Variants in NR1D2 observed in about 807,000 individuals in gnomAD.
NR1D2 encodes the protein nuclear receptor subfamily 1 group D member 2.
Under a neutral mutation model 52.2 loss-of-function variants are expected in NR1D2, and 25 were observed. That is an observed-to-expected ratio of 0.48 (90% confidence interval 0.35 to 0.67). The LOEUF (loss-of-function observed/expected upper bound fraction) is 0.67, where lower values mean the gene tolerates loss of function less well. Among genes scored for constraint, NR1D2 ranks in the 30% least tolerant of loss-of-function variants. The probability of loss-of-function intolerance (pLI) is 0.01; values close to 1 mark genes in which losing one functional copy is unlikely to be tolerated. For missense variants in NR1D2, 681 were observed against 707.2 expected (o/e 0.96, Z 0.42); for synonymous variants, 259 against 230.1 (o/e 1.13, Z -1.14).
chr3:23,977,449 G>T lies in NR1D2; in HGVS notation c.*30G>T. The T allele has an allele frequency of 7.0e-7, 1 of 1,437,056 alleles. No individual in the cohort carries two copies. Among genetic ancestry groups the T allele is most frequent in the South Asian group, 1.4e-5 (1 of 72,650 alleles). 89.0% of individuals were successfully genotyped at this position (1,437,056 alleles called of 1,614,324 possible). A position where few individuals can be genotyped will look rare whatever the true frequency, so the allele number is the denominator to read the frequency against. ...TTTGTTTATTTAAACATGAACTGATGGTAACTGTACATTTTGTGCTAAAAT... is the reference window on the plus strand; with the variant it reads ...TTTGTTTATTTAAACATGAACTGATTGTAACTGTACATTTTGTGCTAAAAT... On this transcript the variant is annotated 3_prime_UTR_variant, in exon 8 of 8. Transcript: ENST00000312521.
At chr3:23,946,037 G>C (rs1441614987) in intron 1 of NR1D2, 1 of 919,442 alleles carries the variant, frequency 1.1e-6, no homozygotes, top group East Asian at 1.2e-4. Context: ...GGGGGCGCGC[G>C]CGCGCGCGCT....
At position 23,962,181 on chromosome 3, in the gene NR1D2, C is replaced by G. The variant is rs770012545; in HGVS notation, c.722C>G (p.Ser241Cys). Residue 241 changes from serine (S) to cysteine (C), a missense_variant, in exon 5 of 8, where the codon TCT becomes TGT. Transcript: ENST00000312521. ...PQLEQENIKS[S>C]SPPSSDFAKE... ...CTGGAGCAAGAAAACATCAAAAGCT[C>G]TTCTCCTCCATCTTCTGATTTTGCA... 11 of 1,614,156 alleles carry G rather than the reference C, an allele frequency of 6.8e-6. No homozygotes were observed. The highest frequency in any genetic ancestry group is 1.6e-4 in the Middle Eastern group (1 of 6,062).
At chr3:23,973,781 G>A (rs1415148853) in intron 7 of NR1D2, among the ~76,000 whole-genome samples, 3 of 151,890 alleles carry the variant, frequency 2.0e-5, no homozygotes, top group Non-Finnish European at 4.4e-5. Context: ...ACATTGTACA[G>A]CTATACAAAA....
At position 23,964,987 on chromosome 3, in the gene NR1D2, T is replaced by G. The variant is rs780611019; in HGVS notation, c.1157T>G (p.Met386Arg). Residue 386 changes from methionine (M) to arginine (R), a missense_variant, in exon 6 of 8, where the codon ATG (methionine) becomes AGG (arginine). Met to Arg is a moderately conservative substitution (Grantham distance 91, BLOSUM62 -1). Around this residue, in one of 3 missense-constraint regions of NR1D2, gnomAD observed 475 missense variants for 454.5 expected, o/e 1.05. Transcript: ENST00000312521. ...TGGRMHLVCP[M>R]SKSPYVDPHK... ...TTTTATGTATACTAGGTTTGTCCAATGAGTAAGTCTCCATATGTGGATCCT... is the reference window on the plus strand; with the variant it reads ...TTTTATGTATACTAGGTTTGTCCAAGGAGTAAGTCTCCATATGTGGATCCT... 4 of 1,610,256 alleles carry G rather than the reference T, an allele frequency of 2.5e-6. No individual in the cohort carries two copies. The South Asian group carries it at 3.3e-5, about 13-fold the overall frequency.
intron 1 of NR1D2, among the ~76,000 whole-genome samples, chr3:23,950,700 TG>T (rs1705901871): frequency 6.6e-6 from 1 of 152,168 alleles, no homozygotes; most frequent in Non-Finnish European, 1.5e-5. Context: ...CACAGATGCT[TG>T]TTTTCTTAAG....
intron 3 of NR1D2, among the ~76,000 whole-genome samples, 171 bp downstream of exon 3, chr3:23,956,296 T>C (rs1706078588): frequency 6.6e-6 from 1 of 152,272 alleles, no homozygotes; most frequent in South Asian, 2.1e-4. Flanking sequence ...TTGAATAATA[T>C]TCTTAATTCA....
chr3:23,972,671 G>T (rs1706621092), intron 7 of NR1D2, among the ~76,000 whole-genome samples: 1 of 152,180 alleles, frequency 6.6e-6, no homozygotes, highest in Admixed American at 6.5e-5. Context: ...GGAGTGCAAT[G>T]AAGAACCAGC....
intron 1 of NR1D2, chr3:23,946,014 G>T (rs1705680897): frequency 1.3e-6 from 1 of 746,018 alleles, no homozygotes; most frequent in Non-Finnish European, 1.6e-6. Context: ...GGGCCGCAGG[G>T]ACACGTGGGG....
In NR1D2 at chr3:23,971,712, C is replaced by A. The variant is rs1284125684; in HGVS notation, c.1543+3689C>A. On this transcript the variant is annotated intron_variant, in intron 7 of 7. Coordinates refer to ENST00000312521, the MANE Select transcript of NR1D2 (RefSeq NM_005126.5). ...TATACTCACAGTTTTTGACCTTATACATAATGTCTTTTGGATAGTTTAGAT... is the reference window on the plus strand; with the variant it reads ...TATACTCACAGTTTTTGACCTTATAAATAATGTCTTTTGGATAGTTTAGAT... 4.3e-5 allele frequency among the ~76,000 whole-genome samples: 5 copies of A among 115,732 alleles called. No homozygotes were observed. The East Asian group carries it at 9.0e-4, about 21-fold the overall frequency. 75.9% of individuals were successfully genotyped at this position (115,732 alleles called of 152,430 possible). A position where few individuals can be genotyped will look rare whatever the true frequency, so the allele number is the denominator to read the frequency against.
At chr3:23,945,740 G>C (rs1705653842) in intron 1 of NR1D2, 146 bp downstream of exon 1, 1 of 550,952 alleles carries the variant, frequency 1.8e-6, no homozygotes, top group African/African-American at 2.0e-5. Context: ...CCTCTGGCTC[G>C]GTTCCCATCG....
intron 4 of NR1D2, among the ~76,000 whole-genome samples, chr3:23,961,667 A>T (rs912342127): frequency 2.6e-5 from 4 of 152,042 alleles, no homozygotes; most frequent in Non-Finnish European, 4.4e-5. Context: ...AAGTGCTGTG[A>T]TTAGAAGCAT....
intron 7 of NR1D2, among the ~76,000 whole-genome samples, chr3:23,971,028 G>A (rs1247953212): frequency 1.3e-5 from 2 of 151,986 alleles, no homozygotes; most frequent in East Asian, 1.9e-4. Context: ...TGATCCGCCC[G>A]CCTCGGCCTC....
intron 1 of NR1D2, among the ~76,000 whole-genome samples, chr3:23,950,907 T>G (rs1237938668): frequency 6.9e-6 from 1 of 145,490 alleles, no homozygotes; most frequent in Non-Finnish European, 1.5e-5. Context: ...TTTTTCTTTT[T>G]TTTTTTTTTT....
intron 7 of NR1D2, 124 bp from the exon 8 acceptor site, chr3:23,977,099 T>C: frequency 4.1e-6 from 2 of 492,380 alleles, no homozygotes; most frequent in Non-Finnish European, 6.8e-6. Flanking sequence ...CTTTTGCCTT[T>C]ATTCAGATGT....
chr3:23,961,651 C>T (rs1051846021), intron 4 of NR1D2, among the ~76,000 whole-genome samples: 1 of 152,088 alleles, frequency 6.6e-6, no homozygotes, highest in African/African-American at 2.4e-5. Context: ...CTGCCTCAGC[C>T]TCCCAAAGTG....
chr3:23,949,346 CAG>C lies in NR1D2; in HGVS notation c.16+3755_16+3756del, dbSNP rs1289520327. Among the ~76,000 whole-genome samples, 4 of 151,334 alleles carry C rather than the reference CAG, an allele frequency of 2.6e-5. No homozygotes were observed. In the East Asian group the frequency reaches 7.7e-4, roughly 29 times the overall value. On this transcript the variant is annotated intron_variant, in intron 1 of 7. Transcript: ENST00000312521. The stretch of plus-strand genomic sequence containing the variant: ...CACCATTGCACTCCATCCTGGGTGA[CAG>C]AGCGAAACTCCGTCTGAAAAAAAAA...
chr3:23,964,737 A>G (rs1014613630), intron 5 of NR1D2: 38 of 377,220 alleles, frequency 1.0e-4, no homozygotes, highest in African/African-American at 6.8e-4. Context: ...CTTGTTATAG[A>G]TGATATTTTT....
rs1706770426 is a variant in NR1D2 at position 23,977,709 on chromosome 3, C to G, written c.*290C>G. ...GTTAGACTTTTTCATCTGCCAAAACCAAAAACCATTTTGATCTCCCTGTGG... is the reference window on the plus strand; with the variant it reads ...GTTAGACTTTTTCATCTGCCAAAACGAAAAACCATTTTGATCTCCCTGTGG... On this transcript the variant is annotated 3_prime_UTR_variant, in exon 8 of 8. Transcript: ENST00000312521. The G allele has an allele frequency of 4.3e-6, 1 of 230,662 alleles. No homozygotes were observed. The highest frequency in any genetic ancestry group is 8.4e-6 in the Non-Finnish European group (1 of 119,632). 14.3% of individuals were successfully genotyped at this position (230,662 alleles called of 1,614,324 possible). A position where few individuals can be genotyped will look rare whatever the true frequency, so the allele number is the denominator to read the frequency against.
chr3:23,950,018 A>G (rs910302578), intron 1 of NR1D2, among the ~76,000 whole-genome samples: 1 of 152,230 alleles, frequency 6.6e-6, no homozygotes, highest in Admixed American at 6.5e-5. Flanking sequence ...TTCAACTGAA[A>G]ATAGAGAAGA....
Sources: gnomAD v4.1 joint callset for allele counts (sites outside exome capture counted in the v4.1 genomes callset) on GRCh38, gnomAD v4.1.1 for gene constraint, gnomAD v4.1.1 regional missense constraint, MANE v1.5 for transcripts, NCBI Gene and HGNC (gene_info 2026-07-23, HGNC 2026-07-21) for gene names.